The following FHIT variants were observed in gnomAD, a reference collection of about 807,000 sequenced individuals.
The protein encoded by FHIT is fragile histidine triad diadenosine triphosphatase, also known as bis(5'-adenosyl)-triphosphatase.
A neutral mutation model predicts 17.9 loss-of-function variants in FHIT; 19 were observed. The ratio of observed to expected loss-of-function variants is 1.06; its 90% CI spans 0.74 to 1.56. The LOEUF is 1.56. Ranked by LOEUF, FHIT falls within the 40% of genes most tolerant of loss-of-function variation. The pLI is 0.00. For synonymous variants in FHIT, 81 were observed against 69.7 expected (o/e 1.16, Z -0.81); for missense variants, 248 against 189.2 (o/e 1.31, Z -1.82).
chr3:60,695,831 A>G (rs1553700507), intron 4 of FHIT, among the ~76,000 whole-genome samples: 1 of 152,220 alleles, frequency 6.6e-6, no homozygotes, highest in African/African-American at 2.4e-5. Flanking sequence ...AATGGAAGTA[A>G]TAATAACCAT....
intron 4 of FHIT, among the ~76,000 whole-genome samples, chr3:60,808,469 C>T (rs1443765795): frequency 2.6e-5 from 4 of 152,082 alleles, no homozygotes; most frequent in African/African-American, 9.7e-5. Flanking sequence ...TTGAGAGGCT[C>T]AACCCCATAT....
At chr3:60,211,083 AAAAAG>A (rs1477819144) in intron 5 of FHIT, among the ~76,000 whole-genome samples, 5 of 151,230 alleles carry the variant, frequency 3.3e-5, no homozygotes, top group Non-Finnish European at 7.4e-5. Context: ...AAAAAAAAAA[AAAAAG>A]AAGAGGAGGA....
intron 2 of FHIT, among the ~76,000 whole-genome samples, chr3:61,199,529 T>C (rs1218152199): frequency 6.9e-6 from 1 of 144,534 alleles, no homozygotes; most frequent in African/African-American, 2.5e-5. Flanking sequence ...AAGCAAATCC[T>C]AAGAAAAGAG....
chr3:61,103,626 A>G (rs1244997147), intron 2 of FHIT, among the ~76,000 whole-genome samples: 2 of 152,060 alleles, frequency 1.3e-5, no homozygotes, highest in African/African-American at 2.4e-5. Flanking sequence ...CTTCCATCTC[A>G]TTGATCTGTC....
At chr3:60,406,869 A>C (rs1488237885) in intron 5 of FHIT, among the ~76,000 whole-genome samples, 1 of 152,102 alleles carries the variant, frequency 6.6e-6, no homozygotes, top group Non-Finnish European at 1.5e-5. Context: ...TTCTCCCTAA[A>C]TTCTGAATCT....
At chr3:60,468,090 C>T (rs1438601024) in intron 5 of FHIT, among the ~76,000 whole-genome samples, 2 of 152,068 alleles carry the variant, frequency 1.3e-5, no homozygotes, top group South Asian at 2.1e-4. Context: ...GCTATTTTGT[C>T]TGATATAAGC....
At chr3:60,583,240 A>T (rs1553660379) in intron 4 of FHIT, among the ~76,000 whole-genome samples, 1 of 151,950 alleles carries the variant, frequency 6.6e-6, no homozygotes, top group Non-Finnish European at 1.5e-5. Context: ...TTCTTATGCA[A>T]ACCCTTTCCA....
At chr3:59,749,702 T>TGG (rs1197249752) in intron 9 of FHIT, 123 bp from the exon 10 acceptor site, 1 of 230,218 alleles carries the variant, frequency 4.3e-6, no homozygotes, top group East Asian at 6.2e-5. Flanking sequence ...TACGAAGAAG[T>TGG]GGGCCAAAGT....
rs138309130 is a variant in FHIT, at chr3:60,094,178, CTCAA to C, written c.104-80030_104-80027del. 7.2e-5 allele frequency among the ~76,000 whole-genome samples: 11 copies of C among 152,286 alleles called. No individual in the cohort carries two copies. In the East Asian group the frequency reaches 1.9e-3, roughly 27 times the overall value. ...AACAGACTTTTCCCCATCTCAAGTT[CTCAA>C]TCATTCATTTTGTTACATTTTTTTA... is the stretch of plus-strand genomic sequence containing the variant. On this transcript the variant is annotated intron_variant, in intron 5 of 9. Coordinates refer to ENST00000492590, the MANE Select transcript of FHIT (RefSeq NM_002012.4).
intron 4 of FHIT, among the ~76,000 whole-genome samples, chr3:60,657,638 C>T (rs2040149649): frequency 6.6e-6 from 1 of 152,146 alleles, no homozygotes; most frequent in Non-Finnish European, 1.5e-5. Flanking sequence ...AATCAGGCTC[C>T]TCTGATTCTC....
At chr3:60,709,897 T>C (rs1418955116) in intron 4 of FHIT, among the ~76,000 whole-genome samples, 1 of 152,124 alleles carries the variant, frequency 6.6e-6, no homozygotes, top group Non-Finnish European at 1.5e-5. Context: ...TGAGTTTGCA[T>C]AATTATAGTT....
At chr3:61,223,786 C>T (rs2039898553) in intron 1 of FHIT, among the ~76,000 whole-genome samples, 3 of 152,148 alleles carry the variant, frequency 2.0e-5, no homozygotes, top group East Asian at 1.9e-4. Flanking sequence ...TATACTAACA[C>T]GATGGGTCTA....
intron 5 of FHIT, among the ~76,000 whole-genome samples, chr3:60,119,353 A>G (rs1272343819): frequency 9.9e-5 from 15 of 151,962 alleles, no homozygotes; most frequent in Admixed American, 3.3e-4. Flanking sequence ...GATTACAGGC[A>G]TAAGCCATCA....
intron 5 of FHIT, among the ~76,000 whole-genome samples, chr3:60,249,649 C>T (rs76187457): frequency 6.9e-6 from 1 of 144,836 alleles, no homozygotes; most frequent in East Asian, 2.0e-4. Context: ...ATCTGAGAGT[C>T]TCCTGGAGAC....
intron 5 of FHIT, among the ~76,000 whole-genome samples, chr3:60,053,976 C>G (rs1701985266): frequency 6.6e-6 from 1 of 152,030 alleles, no homozygotes; most frequent in Admixed American, 6.6e-5. Flanking sequence ...AAATCAGAAG[C>G]CATATATATT....
intron 4 of FHIT, among the ~76,000 whole-genome samples, chr3:60,576,859 T>C (rs1553657776): frequency 1.3e-5 from 2 of 151,776 alleles, no homozygotes; most frequent in African/African-American, 4.8e-5. Context: ...TAATATACAT[T>C]TTACTAGGCA....
At chr3:59,842,249 C>T (rs983038564) in intron 8 of FHIT, among the ~76,000 whole-genome samples, 1 of 152,132 alleles carries the variant, frequency 6.6e-6, no homozygotes, top group East Asian at 1.9e-4. Context: ...TCCCCTTTTT[C>T]AAGGTTGAAT....
chr3:59,977,626 G>C (rs1452688378), intron 7 of FHIT, among the ~76,000 whole-genome samples: 1 of 152,146 alleles, frequency 6.6e-6, no homozygotes, highest in African/African-American at 2.4e-5. Flanking sequence ...AGTCAGCCGC[G>C]TTGCAGTCAT....
chr3:60,508,197 T>C (rs112466449), intron 5 of FHIT, among the ~76,000 whole-genome samples: 30 of 152,072 alleles, frequency 2.0e-4, no homozygotes, highest in Admixed American at 5.9e-4. Flanking sequence ...GAGAAATAGA[T>C]AGATTTGTGA....
Sources: gnomAD v4.1 joint callset for allele counts (sites outside exome capture counted in the v4.1 genomes callset) on GRCh38, gnomAD v4.1.1 for gene constraint, MANE v1.5 for transcripts, NCBI Gene and HGNC (gene_info 2026-07-23, HGNC 2026-07-21) for gene names.